The following ZNF469 variants were observed in gnomAD, a reference collection of about 807,000 sequenced individuals.
The protein encoded by ZNF469 is zinc finger protein 469.
Under a neutral mutation model 1.0 loss-of-function variants are expected in ZNF469, and 1 was observed. The observed-to-expected ratio is 1.00, with a 90% CI of 0.35 to 4.73. ZNF469 has a LOEUF of 4.73. Among genes scored for constraint, ZNF469 ranks in the 30% most tolerant of loss-of-function variants. The probability of loss-of-function intolerance (pLI) is 0.16; values close to 1 mark genes in which losing one functional copy is unlikely to be tolerated. For synonymous variants in ZNF469, 2,703 were observed against 2,363.4 expected (o/e 1.14, Z -4.17); for missense variants, 6,100 against 5,356.3 (o/e 1.14, Z -4.33).
At chr16:88,194,117 C>A in the ZNF469 span, among the ~76,000 whole-genome samples, 3 of 152,306 alleles carry the variant, frequency 2.0e-5, no homozygotes, top group East Asian at 1.9e-4. Flanking sequence ...TTTATTCCCC[C>A]CTCCGCCACA....
the ZNF469 span, among the ~76,000 whole-genome samples, chr16:88,154,456 G>A: frequency 4.1e-4 from 63 of 152,312 alleles, no homozygotes; most frequent in Non-Finnish European, 6.5e-4. Flanking sequence ...GTGAGCCACC[G>A]CACCCGGTCT....
At chr16:88,277,471 C>A in the ZNF469 span, among the ~76,000 whole-genome samples, 1 of 117,236 alleles carries the variant, frequency 8.5e-6, no homozygotes, top group Non-Finnish European at 1.7e-5. Context: ...ATGTAGATAT[C>A]ATTAGTGCTG....
chr16:88,407,965 G>A (rs1331432914), intron 1 of ZNF469, among the ~76,000 whole-genome samples: 2 of 152,200 alleles, frequency 1.3e-5, no homozygotes, highest in Non-Finnish European at 2.9e-5. Context: ...TCTGACACAC[G>A]GGCACTCACT....
the ZNF469 span, among the ~76,000 whole-genome samples, chr16:88,187,831 G>A: frequency 1.3e-5 from 2 of 150,952 alleles, no homozygotes; most frequent in Non-Finnish European, 2.9e-5. Context: ...TCAACTCTTA[G>A]TTTCCCTGTT....
chr16:88,186,948 T>C, the ZNF469 span, among the ~76,000 whole-genome samples: 115 of 152,048 alleles, frequency 7.6e-4, no homozygotes, highest in African/African-American at 2.7e-3. Flanking sequence ...CAACACACCC[T>C]GCCCCCCACT....
the ZNF469 span, among the ~76,000 whole-genome samples, chr16:88,117,133 C>G: frequency 6.6e-6 from 1 of 151,438 alleles, no homozygotes; most frequent in African/African-American, 2.4e-5. Flanking sequence ...TGCGTGAGGG[C>G]CAGGGATATG....
chr16:88,365,004 CAT>C, the ZNF469 span, among the ~76,000 whole-genome samples: 1 of 152,156 alleles, frequency 6.6e-6, no homozygotes, highest in Non-Finnish European at 1.5e-5. Context: ...AAGGCTTGCA[CAT>C]GTTTCATGAG....
the ZNF469 span, among the ~76,000 whole-genome samples, chr16:88,283,962 G>GGA: frequency 2.8e-5 from 3 of 108,526 alleles, no homozygotes; most frequent in African/African-American, 7.7e-5. Context: ...GTGTGCCCAA[G>GGA]GTCTGTGGAG....
the ZNF469 span, among the ~76,000 whole-genome samples, chr16:88,142,621 G>A: frequency 1.3e-5 from 2 of 152,202 alleles, no homozygotes; most frequent in Admixed American, 6.5e-5. Context: ...CACACGTGAT[G>A]TGCCAGGTGT....
At chr16:88,122,100 G>A in the ZNF469 span, among the ~76,000 whole-genome samples, 1 of 147,410 alleles carries the variant, frequency 6.8e-6, no homozygotes, top group East Asian at 2.0e-4. Flanking sequence ...CAGCCCCTCG[G>A]ATCACACTCT....
the ZNF469 span, among the ~76,000 whole-genome samples, chr16:88,348,437 G>A: frequency 1.3e-5 from 2 of 152,180 alleles, no homozygotes; most frequent in African/African-American, 2.4e-5. Context: ...CTTCAAATAA[G>A]GCCACACCAA....
Position 88,430,797 on chromosome 16 carries a change from C to G in ZNF469, c.3327C>G (p.Pro1109=). Residue 1109 remains proline, a synonymous_variant, in exon 3 of 3, where the codon CCC becomes CCG. Coordinates refer to ENST00000565624, the MANE Select transcript of ZNF469 (RefSeq NM_001367624.2). ...EEDEQPPPRG[P]GFRGRRGRGE... ...ACGAGCAGCCTCCGCCGCGGGGCCCCGGCTTCAGAGGCCGGCGGGGCCGAG... is the reference window on the plus strand; with the variant it reads ...ACGAGCAGCCTCCGCCGCGGGGCCCGGGCTTCAGAGGCCGGCGGGGCCGAG... The G allele has an allele frequency of 1.3e-6, 2 of 1,528,156 alleles. No homozygotes were observed. The highest frequency in any genetic ancestry group is 1.2e-5 in the South Asian group (1 of 83,392). The allele number at this position is 1,528,156 out of a possible 1,614,324, so 94.7% of individuals were successfully genotyped here.
chr16:88,203,555 CCT>C, the ZNF469 span, among the ~76,000 whole-genome samples: 1 of 152,142 alleles, frequency 6.6e-6, no homozygotes, highest in African/African-American at 2.4e-5. Context: ...GAATTCACTC[CCT>C]CTCAGCCTGG....
chr16:88,245,927 G>C, the ZNF469 span, among the ~76,000 whole-genome samples: 102,726 of 150,260 alleles, frequency 0.68, 32,225 homozygotes, highest in African/African-American at 0.87. Flanking sequence ...TACATAGCCC[G>C]GGGACATCCT....
the ZNF469 span, among the ~76,000 whole-genome samples, chr16:88,170,958 A>G: frequency 6.6e-6 from 1 of 152,228 alleles, no homozygotes; most frequent in Admixed American, 6.5e-5. The surrounding 1 kb of genome is among the most constrained non-coding windows in gnomAD (Gnocchi z 4.2). Context: ...CACGAAGGCC[A>G]GGGTCCAGGC....
chr16:88,376,549 C>T, the ZNF469 span, among the ~76,000 whole-genome samples: 7 of 152,254 alleles, frequency 4.6e-5, no homozygotes, highest in African/African-American at 9.6e-5. Context: ...ATGCGCCAGC[C>T]GCTGGCTGGG....
chr16:88,268,301 A>T, the ZNF469 span, among the ~76,000 whole-genome samples: 1 of 152,048 alleles, frequency 6.6e-6, no homozygotes, highest in Non-Finnish European at 1.5e-5. Context: ...TGAGAAGATG[A>T]CGTTGGTCTG....
In ZNF469 at chr16:88,440,177, T is replaced by C. The variant is rs7187709; in HGVS notation, c.*845T>C. Reference sequence around the variant, plus strand: ...TGCTATTTTTGTGTTGTAATGTGAATACAGGCTTCCTTGATTTTTTTTTTT... The same window carrying C: ...TGCTATTTTTGTGTTGTAATGTGAACACAGGCTTCCTTGATTTTTTTTTTT... On this transcript the variant is annotated 3_prime_UTR_variant, in exon 3 of 3. Coordinates refer to ENST00000565624, the MANE Select transcript of ZNF469 (RefSeq NM_001367624.2). 19,071 of 144,418 alleles carry C rather than the reference T, an allele frequency of 0.13. 1,232 individuals carry two copies. Among genetic ancestry groups the C allele is most frequent in the East Asian group, 0.15 (715 of 4,824 alleles). The allele number at this position is 144,418 out of a possible 1,614,324, so 8.9% of individuals were successfully genotyped here.
intron 1 of ZNF469, among the ~76,000 whole-genome samples, chr16:88,393,963 G>A (rs188131089): frequency 1.8e-3 from 274 of 152,308 alleles, no homozygotes; most frequent in Admixed American, 3.3e-3. Flanking sequence ...CGACAGGAGG[G>A]GGGTTTGACA....
Sources: gnomAD v4.1 joint callset for allele counts (sites outside exome capture counted in the v4.1 genomes callset) on GRCh38, gnomAD v4.1.1 for gene constraint, Gnocchi (gnomAD v3.1) non-coding constraint, MANE v1.5 for transcripts, NCBI Gene and HGNC (gene_info 2026-07-23, HGNC 2026-07-21) for gene names.